Variants in BLTP1 observed in about 807,000 individuals in gnomAD.
BLTP1 encodes bridge-like lipid transfer protein family member 1.
the BLTP1 span, chr4:122,250,589 A>G: frequency 2.2e-5 from 36 of 1,606,832 alleles, no homozygotes; most frequent in South Asian, 4.0e-4. Context: ...TGACTTTCTA[A>G]TAGTAATAAT....
chr4:122,331,407 T>C, the BLTP1 span: 2 of 1,612,124 alleles, frequency 1.2e-6, no homozygotes, highest in East Asian at 4.5e-5. Flanking sequence ...CACCAGTCAA[T>C]AGAAGTCTTA....
chr4:122,323,463 A>G, the BLTP1 span, among the ~76,000 whole-genome samples: 1 of 148,478 alleles, frequency 6.7e-6, no homozygotes, highest in Non-Finnish European at 1.5e-5. Flanking sequence ...TTTAACCAGG[A>G]TGAGATTTTT....
chr4:122,238,016 G>A, the BLTP1 span: 3 of 1,327,476 alleles, frequency 2.3e-6, no homozygotes, highest in South Asian at 1.5e-5. Flanking sequence ...ACTTAAAAAT[G>A]GATTAGATTG....
the BLTP1 span, chr4:122,309,106 A>G: frequency 7.4e-6 from 4 of 539,594 alleles, no homozygotes. Flanking sequence ...ATTGCACTTA[A>G]GCAATTTAAT....
At chr4:122,175,335 C>T in the BLTP1 span, 6 of 832,554 alleles carry the variant, frequency 7.2e-6, no homozygotes, top group South Asian at 2.2e-4. Flanking sequence ...GTAAGTTCAT[C>T]CTTTTGGGGC....
chr4:122,175,027 A>C, the BLTP1 span: 17 of 939,062 alleles, frequency 1.8e-5, no homozygotes, highest in South Asian at 8.4e-4. Flanking sequence ...AGTTTATAGA[A>C]TTGTTTAGCA....
At chr4:122,294,521 C>G in the BLTP1 span, among the ~76,000 whole-genome samples, 1 of 152,144 alleles carries the variant, frequency 6.6e-6, no homozygotes, top group African/African-American at 2.4e-5. Context: ...TGCAGCAGCC[C>G]TACAGAAGAG....
the BLTP1 span, among the ~76,000 whole-genome samples, chr4:122,162,260 A>G: frequency 8.5e-5 from 13 of 152,224 alleles, no homozygotes; most frequent in Admixed American, 8.5e-4. Flanking sequence ...CTTTCCCATG[A>G]CAGTGCCAGG....
At chr4:122,236,123 A>G in the BLTP1 span, among the ~76,000 whole-genome samples, 3 of 152,224 alleles carry the variant, frequency 2.0e-5, no homozygotes, top group Non-Finnish European at 4.4e-5. Context: ...AGTACACACA[A>G]AAAGATAGGA....
chr4:122,190,107 T>G, the BLTP1 span: 1 of 1,612,032 alleles, frequency 6.2e-7, no homozygotes, highest in Non-Finnish European at 8.5e-7. Context: ...GTTGCTGTTT[T>G]TTTTAAAGTG....
chr4:122,194,000 C>T, the BLTP1 span, among the ~76,000 whole-genome samples: 2 of 151,372 alleles, frequency 1.3e-5, no homozygotes, highest in East Asian at 3.9e-4. Context: ...GTAGCTGGGA[C>T]TACAGGCGCC....
chr4:122,184,122 A>G, the BLTP1 span, among the ~76,000 whole-genome samples: 13 of 152,314 alleles, frequency 8.5e-5, no homozygotes, highest in East Asian at 2.5e-3. Flanking sequence ...TATGCACCTA[A>G]AGTAAATCTC....
the BLTP1 span, chr4:122,254,215 T>G: frequency 6.2e-7 from 1 of 1,612,818 alleles, no homozygotes; most frequent in Non-Finnish European, 8.5e-7. Flanking sequence ...TCGAATCTGA[T>G]GATTTGAAAA....
the BLTP1 span, chr4:122,263,306 A>G: frequency 1.7e-5 from 24 of 1,415,112 alleles, no homozygotes; most frequent in Admixed American, 3.2e-5. Flanking sequence ...CCAAATACCA[A>G]CATTATGCAG....
the BLTP1 span, chr4:122,214,759 G>T: frequency 6.5e-6 from 1 of 154,320 alleles, no homozygotes; most frequent in Non-Finnish European, 1.4e-5. Flanking sequence ...CCACATGCAT[G>T]CGCCACCATG....
chr4:122,340,298 A>G, the BLTP1 span, among the ~76,000 whole-genome samples: 35 of 152,232 alleles, frequency 2.3e-4, no homozygotes, highest in Admixed American at 1.1e-3. Flanking sequence ...CAAGGCTGAG[A>G]AGGTTTGCAT....
the BLTP1 span, chr4:122,154,210 C>G: frequency 4.0e-5 from 26 of 653,446 alleles, no homozygotes; most frequent in Middle Eastern, 8.6e-4. Context: ...GAGTCTCGCT[C>G]TGTTGCCCAG....
At chr4:122,250,059 C>G in the BLTP1 span, 1 of 827,834 alleles carries the variant, frequency 1.2e-6, no homozygotes, top group African/African-American at 1.9e-5. Flanking sequence ...AAAATATCTA[C>G]TTAGAATTAT....
the BLTP1 span, chr4:122,299,978 CAT>C: frequency 2.1e-6 from 2 of 955,996 alleles, no homozygotes; most frequent in East Asian, 1.2e-4. Flanking sequence ...TACAAAGACA[CAT>C]ATAGTTTATT....
Sources: gnomAD v4.1 joint callset for allele counts (sites outside exome capture counted in the v4.1 genomes callset) on GRCh38, gnomAD v4.1.1 for gene constraint, MANE v1.5 for transcripts, NCBI Gene and HGNC (gene_info 2026-07-23, HGNC 2026-07-21) for gene names.